STK32B: variants seen among roughly 807,000 people sequenced by gnomAD.
STK32B encodes serine/threonine-protein kinase 32B.
STK32B carries 43 observed loss-of-function variants against 52.6 expected under a neutral mutation model. That is an observed-to-expected ratio of 0.82 (90% CI 0.64 to 1.05). STK32B has a LOEUF of 1.05. Among genes scored for constraint, STK32B ranks in the 50% least tolerant of loss-of-function variants. The pLI is 0.00. For synonymous variants in STK32B, 238 were observed against 204.3 expected, an observed-to-expected ratio of 1.17 and a Z score of -1.41; for missense variants, 621 against 534.6, an observed-to-expected ratio of 1.16 and a Z score of -1.59.
intron 3 of STK32B, among the ~76,000 whole-genome samples, chr4:5,196,196 C>T (rs374955888): frequency 6.6e-6 from 1 of 152,150 alleles, no homozygotes; most frequent in Non-Finnish European, 1.5e-5. Context: ...GGGATCGTCT[C>T]ATGGGTAGCA....
At chr4:5,075,349 AC>A (rs1712014579) in intron 1 of STK32B, among the ~76,000 whole-genome samples, 1 of 152,150 alleles carries the variant, frequency 6.6e-6, no homozygotes. Flanking sequence ...TTGAAATGAA[AC>A]CCGAAGGTTT....
At chr4:5,474,478 C>T (rs746677354) in intron 11 of STK32B, among the ~76,000 whole-genome samples, 1 of 152,226 alleles carries the variant, frequency 6.6e-6, no homozygotes, top group Non-Finnish European at 1.5e-5. Flanking sequence ...CGTATCTCTT[C>T]AGCAACCCAA....
chr4:5,189,781 A>T (rs1489963607), intron 3 of STK32B, among the ~76,000 whole-genome samples: 2 of 152,082 alleles, frequency 1.3e-5, no homozygotes, highest in African/African-American at 4.8e-5. Flanking sequence ...CCAGGGAGGA[A>T]TGAGAGTTCC....
intron 3 of STK32B, among the ~76,000 whole-genome samples, chr4:5,228,272 T>C (rs980166942): frequency 6.6e-6 from 1 of 152,190 alleles, no homozygotes; most frequent in Non-Finnish European, 1.5e-5. Flanking sequence ...AGTGAAATTC[T>C]ACAATGAGCG....
chr4:5,021,385 G>A, the STK32B span, among the ~76,000 whole-genome samples: 97,106 of 152,104 alleles, frequency 0.64, 34,300 homozygotes, highest in East Asian at 0.97. Flanking sequence ...TGTGCTTGGA[G>A]GTGGCAAGTG....
At chr4:5,327,762 CAAGAG>C (rs1731973375) in intron 3 of STK32B, among the ~76,000 whole-genome samples, 1 of 152,176 alleles carries the variant, frequency 6.6e-6, no homozygotes, top group Non-Finnish European at 1.5e-5. Flanking sequence ...GCTGCTAAAA[CAAGAG>C]AGCCTCCCTA....
chr4:5,055,800 G>A (rs1741981717), intron 1 of STK32B, among the ~76,000 whole-genome samples: 1 of 151,632 alleles, frequency 6.6e-6, no homozygotes, highest in South Asian at 2.1e-4. Context: ...GGAAAATGTT[G>A]TTGACTCATT....
At chr4:5,226,400 C>G (rs1723874420) in intron 3 of STK32B, among the ~76,000 whole-genome samples, 2 of 152,194 alleles carry the variant, frequency 1.3e-5, no homozygotes, top group African/African-American at 4.8e-5. Context: ...CAGTTACCCA[C>G]AGTCAACCAT....
chr4:5,160,910 C>A (rs1429074242), intron 2 of STK32B, among the ~76,000 whole-genome samples: 1 of 152,106 alleles, frequency 6.6e-6, no homozygotes, highest in Non-Finnish European at 1.5e-5. Flanking sequence ...GTGAGCACAG[C>A]CTGAAGGAGG....
intron 11 of STK32B, among the ~76,000 whole-genome samples, chr4:5,473,034 C>T (rs1263861258): frequency 6.6e-6 from 1 of 152,120 alleles, no homozygotes; most frequent in Non-Finnish European, 1.5e-5. Flanking sequence ...AAAATCACCC[C>T]CAGTTGAGAG....
At chr4:5,415,689 G>C (rs915156646) in intron 5 of STK32B, among the ~76,000 whole-genome samples, 1 of 152,176 alleles carries the variant, frequency 6.6e-6, no homozygotes, top group Non-Finnish European at 1.5e-5. Context: ...ATCTCACCTA[G>C]GATCACTGGA....
At chr4:5,317,936 A>G (rs1391836489) in intron 3 of STK32B, among the ~76,000 whole-genome samples, 2 of 152,088 alleles carry the variant, frequency 1.3e-5, no homozygotes, top group Non-Finnish European at 2.9e-5. Flanking sequence ...GAATTGCCAA[A>G]TTTCAGGTTT....
chr4:5,319,894 G>C (rs1170331061), intron 3 of STK32B, among the ~76,000 whole-genome samples: 1 of 152,146 alleles, frequency 6.6e-6, no homozygotes, highest in Non-Finnish European at 1.5e-5. Context: ...CTGCCTCCCA[G>C]AATGAGACCT....
chr4:5,456,065 G>A (rs569105397), intron 7 of STK32B, among the ~76,000 whole-genome samples: 21 of 152,254 alleles, frequency 1.4e-4, no homozygotes, highest in African/African-American at 4.8e-4. Context: ...CAGGGGGAGC[G>A]GGGACCGGGA....
At chr4:5,445,595 C>A (rs1279213740) in intron 6 of STK32B, among the ~76,000 whole-genome samples, 2 of 152,156 alleles carry the variant, frequency 1.3e-5, no homozygotes, top group African/African-American at 4.8e-5. Flanking sequence ...AAATGCAGCA[C>A]CCTGAAGAAT....
intron 3 of STK32B, among the ~76,000 whole-genome samples, chr4:5,252,930 C>T (rs1055348166): frequency 6.6e-6 from 1 of 152,040 alleles, no homozygotes; most frequent in East Asian, 1.9e-4. Flanking sequence ...TTGTTGTAAC[C>T]CGCTCACTGT....
At chr4:5,329,417 TTCTCTC>T (rs1560324576) in intron 3 of STK32B, among the ~76,000 whole-genome samples, 1 of 152,138 alleles carries the variant, frequency 6.6e-6, no homozygotes, top group African/African-American at 2.4e-5. Flanking sequence ...GTCATGCTGT[TTCTCTC>T]TCTGTCTGAG....
At chr4:5,257,128 T>TGAGTGAGTGGGTGAATGAATGAGCGGGC in intron 3 of STK32B, among the ~76,000 whole-genome samples, 1 of 152,042 alleles carries the variant, frequency 6.6e-6, no homozygotes, top group Admixed American at 6.6e-5. Flanking sequence ...TGAGGGTGAA[T>TGAGTGAGTGGGTGAATGAATGAGCGGGC]GAGTGAGTGG....
At chr4:5,262,707 G>A (rs1165090986) in intron 3 of STK32B, among the ~76,000 whole-genome samples, 1 of 151,682 alleles carries the variant, frequency 6.6e-6, no homozygotes, top group African/African-American at 2.4e-5. Context: ...ATTTTTTAAA[G>A]CATATTAAAA....
Sources: gnomAD v4.1 joint callset for allele counts (sites outside exome capture counted in the v4.1 genomes callset) on GRCh38, gnomAD v4.1.1 for gene constraint, MANE v1.5 for transcripts, NCBI Gene and HGNC (gene_info 2026-07-23, HGNC 2026-07-21) for gene names.